Variants in FBXL17 observed in about 807,000 individuals in gnomAD.
FBXL17 encodes F-box and leucine rich repeat protein 17, also known as F-box/LRR-repeat protein 17.
Under a neutral mutation model 66.2 loss-of-function variants are expected in FBXL17, and 22 were observed. The observed-to-expected ratio is 0.33, with a 90% confidence interval of 0.24 to 0.47. The LOEUF (loss-of-function observed/expected upper bound fraction) is 0.47, where lower values mean the gene tolerates loss of function less well. Among genes scored for constraint, FBXL17 ranks in the 20% least tolerant of loss-of-function variants. The pLI, the probability that FBXL17 is intolerant of heterozygous loss-of-function variation, is 1.00. For synonymous variants in FBXL17, 474 were observed against 400.5 expected (o/e 1.18, Z -2.19); for missense variants, 878 against 948.2 (o/e 0.93, Z 0.97).
At chr5:107,871,079 A>AAAAAAAAAAAAAAAAAC (rs1748440848) in intron 8 of FBXL17, among the ~76,000 whole-genome samples, 2 of 149,302 alleles carry the variant, frequency 1.3e-5, no homozygotes, top group Admixed American at 6.7e-5. Context: ...AAAAAAAAAA[A>AAAAAAAAAAAAAAAAAC]CCTCATCTAA....
At chr5:107,946,256 TATATATATA>T (rs1561333343) in intron 7 of FBXL17, among the ~76,000 whole-genome samples, 2 of 16,478 alleles carry the variant, frequency 1.2e-4, no homozygotes, top group African/African-American at 5.5e-4. Context: ...AATCTCATTT[TATATATATA>T]TATATATATA....
At chr5:108,370,804 T>C (rs1748983320) in intron 1 of FBXL17, among the ~76,000 whole-genome samples, 1 of 151,296 alleles carries the variant, frequency 6.6e-6, no homozygotes, top group African/African-American at 2.4e-5. Context: ...CCAGCAAACA[T>C]GTATTAAGCC....
intron 6 of FBXL17, among the ~76,000 whole-genome samples, chr5:108,136,722 T>C (rs1357951186): frequency 1.3e-5 from 2 of 152,150 alleles, no homozygotes; most frequent in Admixed American, 6.6e-5. Context: ...CTTAGAGAGC[T>C]TGGTAATCCC....
intron 7 of FBXL17, among the ~76,000 whole-genome samples, chr5:107,960,125 A>G (rs557233287): frequency 6.6e-6 from 1 of 152,230 alleles, no homozygotes; most frequent in African/African-American, 2.4e-5. Flanking sequence ...TTGCTCCTTT[A>G]GTTACCTTGC....
intron 4 of FBXL17, among the ~76,000 whole-genome samples, chr5:108,256,845 A>AT (rs938856238): frequency 8.4e-5 from 12 of 143,656 alleles, no homozygotes; most frequent in South Asian, 6.3e-4. Flanking sequence ...AAATAAGTGT[A>AT]TTTTTTTTTG....
At chr5:107,953,536 T>C (rs1047099577) in intron 7 of FBXL17, among the ~76,000 whole-genome samples, 1 of 151,740 alleles carries the variant, frequency 6.6e-6, no homozygotes, top group Non-Finnish European at 1.5e-5. Context: ...CTCTCTATCA[T>C]ACAATACTGC....
At chr5:108,046,573 T>C (rs1747261912) in intron 6 of FBXL17, among the ~76,000 whole-genome samples, 1 of 152,214 alleles carries the variant, frequency 6.6e-6, no homozygotes, top group South Asian at 2.1e-4. Context: ...TTTAGAATTG[T>C]ATCTTGTTTT....
intron 6 of FBXL17, among the ~76,000 whole-genome samples, chr5:108,143,873 A>C (rs1751458458): frequency 6.6e-6 from 1 of 152,080 alleles, no homozygotes. Context: ...CACATTCTTT[A>C]ATTTCTTAGT....
intron 6 of FBXL17, among the ~76,000 whole-genome samples, chr5:108,144,093 T>C: frequency 6.6e-6 from 1 of 152,172 alleles, no homozygotes; most frequent in East Asian, 1.9e-4. Flanking sequence ...GAAACTTTGG[T>C]TCCATAATTC....
At chr5:108,199,278 A>G (rs897770762) in intron 5 of FBXL17, among the ~76,000 whole-genome samples, 3 of 152,166 alleles carry the variant, frequency 2.0e-5, no homozygotes, top group Non-Finnish European at 4.4e-5. Context: ...TTAATTGTCA[A>G]TCAAAACTAT....
chr5:108,277,541 G>A (rs1460766909), intron 4 of FBXL17, among the ~76,000 whole-genome samples: 1 of 152,210 alleles, frequency 6.6e-6, no homozygotes, highest in African/African-American at 2.4e-5. Context: ...CAGGAGGGTT[G>A]AAGGTTTCAG....
At chr5:107,959,711 T>C (rs1751819663) in intron 7 of FBXL17, among the ~76,000 whole-genome samples, 2 of 152,168 alleles carry the variant, frequency 1.3e-5, no homozygotes, top group Admixed American at 1.3e-4. Context: ...CTAAAAACAT[T>C]ACAGTTTTCA....
At chr5:107,945,641 A>G (rs1319323291) in intron 7 of FBXL17, among the ~76,000 whole-genome samples, 1 of 152,182 alleles carries the variant, frequency 6.6e-6, no homozygotes, top group Non-Finnish European at 1.5e-5. Flanking sequence ...TACACATACA[A>G]TTTACATAAA....
chr5:108,381,795 G>T lies in FBXL17; in HGVS notation c.-104C>A, dbSNP rs1049324721. ...CGCTCGCTGGCTCGGCCCCCGGAGGGGTCGCCCTTCCTGCGCACACACACG... is the reference window on the plus strand; with the variant it reads ...CGCTCGCTGGCTCGGCCCCCGGAGGTGTCGCCCTTCCTGCGCACACACACG... On this transcript the variant is annotated 5_prime_UTR_variant, in exon 1 of 9. Coordinates refer to ENST00000542267, the MANE Select transcript of FBXL17 (RefSeq NM_001163315.3). 5 of 1,354,720 alleles carry T rather than the reference G, an allele frequency of 3.7e-6. No homozygotes were observed. In the East Asian group the frequency reaches 1.2e-4, roughly 34 times the overall value. 83.9% of individuals were successfully genotyped at this position (1,354,720 alleles called of 1,614,324 possible).
At chr5:107,930,614 C>T (rs1167477310) in intron 7 of FBXL17, among the ~76,000 whole-genome samples, 1 of 152,190 alleles carries the variant, frequency 6.6e-6, no homozygotes, top group African/African-American at 2.4e-5. Flanking sequence ...GCCCCAGTGC[C>T]CATGCCAGTG....
chr5:108,095,403 G>A (rs1240230993), intron 6 of FBXL17, among the ~76,000 whole-genome samples: 1 of 151,886 alleles, frequency 6.6e-6, no homozygotes, highest in Non-Finnish European at 1.5e-5. Flanking sequence ...TCCACTGTGT[G>A]GAGAAACTCA....
chr5:108,328,605 A>T (rs182665526), intron 4 of FBXL17, among the ~76,000 whole-genome samples: 17 of 152,218 alleles, frequency 1.1e-4, no homozygotes, highest in Non-Finnish European at 1.8e-4. Context: ...TGGTATGTGT[A>T]TTAAAAGTTT....
At chr5:108,197,868 C>G (rs1580598396) in intron 5 of FBXL17, among the ~76,000 whole-genome samples, 1 of 152,212 alleles carries the variant, frequency 6.6e-6, no homozygotes, top group East Asian at 1.9e-4. Context: ...CATGGAAAAT[C>G]TCATGGCCTT....
At chr5:108,144,816 G>A (rs1322260025) in intron 6 of FBXL17, among the ~76,000 whole-genome samples, 1 of 151,966 alleles carries the variant, frequency 6.6e-6, no homozygotes, top group Non-Finnish European at 1.5e-5. Context: ...TATTTTACCT[G>A]GAGGAACCAG....
Sources: gnomAD v4.1 joint callset for allele counts (sites outside exome capture counted in the v4.1 genomes callset) on GRCh38, gnomAD v4.1.1 for gene constraint, MANE v1.5 for transcripts, NCBI Gene and HGNC (gene_info 2026-07-23, HGNC 2026-07-21) for gene names.